The following CLSTN2 variants were observed in gnomAD, a reference collection of about 807,000 sequenced individuals.
CLSTN2 encodes the protein calsyntenin 2.
Under a neutral mutation model 101.2 loss-of-function variants are expected in CLSTN2, and 48 were observed. The observed-to-expected ratio is 0.47, with a 90% CI of 0.38 to 0.60. The LOEUF (loss-of-function observed/expected upper bound fraction) is 0.60. Ranked by LOEUF, CLSTN2 falls within the 20% of genes least tolerant of loss-of-function variation. The pLI, the probability that CLSTN2 is intolerant of heterozygous loss-of-function variation, is 0.00. For synonymous variants in CLSTN2, 481 were observed against 463.6 expected (o/e 1.04, Z -0.48); for missense variants, 1,160 against 1,238.2 (o/e 0.94, Z 0.95).
chr3:140,052,809 C>A (rs2008022775), intron 1 of CLSTN2, among the ~76,000 whole-genome samples: 1 of 152,244 alleles, frequency 6.6e-6, no homozygotes, highest in Non-Finnish European at 1.5e-5. Flanking sequence ...AGCAAGCATG[C>A]CTATTCACAG....
Position 140,404,748 on chromosome 3 carries a change from T to C in CLSTN2, c.619T>C (p.Phe207Leu). 11 of 1,614,102 alleles carry C rather than the reference T, an allele frequency of 6.8e-6. No individual in the cohort carries two copies. Among genetic ancestry groups the C allele is most frequent in the Non-Finnish European group, 9.3e-6 (11 of 1,179,986 alleles). ...NYEIVTTDVP[F>L]AIDRNGNIRN... Reference sequence around the variant, plus strand: ...TGAAATCGTCACCACAGATGTGCCTTTTGCCATCGACAGAAATGGTGAGTG... The same window carrying C: ...TGAAATCGTCACCACAGATGTGCCTCTTGCCATCGACAGAAATGGTGAGTG... Residue 207 changes from phenylalanine (F) to leucine (L), a missense_variant, in exon 4 of 17, where the codon TTT becomes CTT. By Grantham distance (22) the Phe-to-Leu change is conservative (BLOSUM62 0). Transcript: ENST00000458420.
At chr3:140,435,401 T>C (rs1016525695) in intron 5 of CLSTN2, among the ~76,000 whole-genome samples, 1 of 152,220 alleles carries the variant, frequency 6.6e-6, no homozygotes, top group Non-Finnish European at 1.5e-5. Context: ...CCGGATCTCA[T>C]TCTCTTTTAT....
chr3:140,418,978 A>C (rs569653539), intron 4 of CLSTN2, among the ~76,000 whole-genome samples: 1 of 151,958 alleles, frequency 6.6e-6, no homozygotes, highest in South Asian at 2.1e-4. Flanking sequence ...GCACCTGCTC[A>C]TGGCCTGGGT....
chr3:140,457,489 T>C (rs1360907734), intron 6 of CLSTN2, among the ~76,000 whole-genome samples: 1 of 152,234 alleles, frequency 6.6e-6, no homozygotes, highest in South Asian at 2.1e-4. Flanking sequence ...AATCTCTCTC[T>C]GCTACCACCT....
intron 1 of CLSTN2, among the ~76,000 whole-genome samples, chr3:140,140,831 C>T (rs941244186): frequency 6.6e-6 from 1 of 152,176 alleles, no homozygotes; most frequent in African/African-American, 2.4e-5. Context: ...ACTCTGCCTC[C>T]AGGTTGGATT....
intron 1 of CLSTN2, among the ~76,000 whole-genome samples, chr3:139,978,626 T>G (rs1935860254): frequency 6.8e-6 from 1 of 147,098 alleles, no homozygotes; most frequent in Non-Finnish European, 1.5e-5. Context: ...CTAACTCTGC[T>G]GGGAGGATGG....
At chr3:140,203,461 G>GTTTTTTTTTTTTT (rs58182333) in intron 2 of CLSTN2, among the ~76,000 whole-genome samples, 2 of 67,918 alleles carry the variant, frequency 2.9e-5, no homozygotes, top group Admixed American at 2.3e-4. Context: ...GAAAGTGTGG[G>GTTTTTTTTTTTTT]TTTTTTTTTT....
intron 2 of CLSTN2, among the ~76,000 whole-genome samples, chr3:140,212,447 C>T (rs190794683): frequency 3.8e-4 from 58 of 152,254 alleles, no homozygotes; most frequent in African/African-American, 1.4e-3. Flanking sequence ...TCTGTTATAC[C>T]TCTTTGAAAT....
At chr3:140,306,180 C>T (rs1576507879) in intron 2 of CLSTN2, among the ~76,000 whole-genome samples, 1 of 152,196 alleles carries the variant, frequency 6.6e-6, no homozygotes, top group East Asian at 1.9e-4. Flanking sequence ...TTCTGTGTAT[C>T]CCCTTTATTC....
intron 1 of CLSTN2, among the ~76,000 whole-genome samples, chr3:140,075,853 C>T (rs1305597995): frequency 6.6e-6 from 1 of 152,004 alleles, no homozygotes; most frequent in Non-Finnish European, 1.5e-5. Context: ...GTCATCATGT[C>T]TCAGGTGGGC....
At chr3:140,147,302 C>T (rs1378290552) in intron 1 of CLSTN2, among the ~76,000 whole-genome samples, 4 of 152,188 alleles carry the variant, frequency 2.6e-5, no homozygotes, top group Admixed American at 2.0e-4. Flanking sequence ...TTTATGCCCA[C>T]CTTGTTTCTT....
At chr3:140,063,937 G>A (rs948862615) in intron 1 of CLSTN2, among the ~76,000 whole-genome samples, 9 of 152,142 alleles carry the variant, frequency 5.9e-5, no homozygotes, top group African/African-American at 2.2e-4. Context: ...GTGACCCCTG[G>A]GTGCTGTTCT....
chr3:140,476,663 TTTTTTTTTTTTC>T (rs1182726516), intron 8 of CLSTN2, among the ~76,000 whole-genome samples: 3 of 117,882 alleles, frequency 2.5e-5, no homozygotes, highest in Non-Finnish European at 5.3e-5. Context: ...TCTTTTTTTT[TTTTTTTTTTTTC>T]CTGATATGGA....
At chr3:139,984,823 A>T (rs937946770) in intron 1 of CLSTN2, among the ~76,000 whole-genome samples, 1 of 152,186 alleles carries the variant, frequency 6.6e-6, no homozygotes, top group African/African-American at 2.4e-5. Context: ...TCCTTGCTTG[A>T]TATTTCCACT....
intron 1 of CLSTN2, among the ~76,000 whole-genome samples, chr3:140,093,689 C>T (rs183412927): frequency 6.6e-6 from 1 of 152,078 alleles, no homozygotes; most frequent in African/African-American, 2.4e-5. Flanking sequence ...CTATCTCTCC[C>T]CTAAAGAAGG....
intron 1 of CLSTN2, among the ~76,000 whole-genome samples, chr3:139,982,368 AT>A (rs11452770): frequency 3.3e-5 from 5 of 151,124 alleles, no homozygotes; most frequent in African/African-American, 4.9e-5. Context: ...AACATCTTAA[AT>A]TTTTTTTTAG....
chr3:140,414,854 G>A (rs949848312), intron 4 of CLSTN2, among the ~76,000 whole-genome samples: 1 of 151,820 alleles, frequency 6.6e-6, no homozygotes, highest in Non-Finnish European at 1.5e-5. Context: ...AAGCACAAAA[G>A]ACCTCAAATA....
At chr3:140,427,154 C>T (rs1300062502) in intron 5 of CLSTN2, among the ~76,000 whole-genome samples, 10 of 120,170 alleles carry the variant, frequency 8.3e-5, no homozygotes, top group East Asian at 4.6e-4. Flanking sequence ...CCTGCCTGGG[C>T]GACAGAGTGA....
Position 140,505,072 on chromosome 3 carries a change from C to CTTTT in CLSTN2, c.1345-27245_1345-27242dup, listed in dbSNP as rs11414136. On this transcript the variant is annotated intron_variant, in intron 8 of 16. Coordinates refer to ENST00000458420, the MANE Select transcript of CLSTN2 (RefSeq NM_022131.3). ...CTGACTCGTAGTTCAAAGAAAGTATCTTTTTTTTTTGCTGTGGAATTCCAA... is the reference window on the plus strand; with the variant it reads ...CTGACTCGTAGTTCAAAGAAAGTATCTTTTTTTTTTTTTTGCTGTGGAATTCCAA... 1.6e-3 allele frequency among the ~76,000 whole-genome samples: 242 copies of CTTTT among 150,032 alleles called. 1 individual carries two copies. Among genetic ancestry groups the CTTTT allele is most frequent in the East Asian group, 5.5e-3 (28 of 5,112 alleles).
Sources: allele counts gnomAD v4.1 joint callset (sites outside exome capture counted in the v4.1 genomes callset), GRCh38; gene constraint gnomAD v4.1.1; transcripts MANE v1.5; gene names NCBI Gene and HGNC (gene_info 2026-07-23, HGNC 2026-07-21).